The following CDH18 variants were observed in gnomAD, a reference collection of about 807,000 sequenced individuals.
The protein encoded by CDH18 is cadherin 18.
A neutral mutation model predicts 67.9 loss-of-function variants in CDH18; 31 were observed. The observed-to-expected ratio is 0.46, with a 90% CI of 0.34 to 0.62. CDH18 has a LOEUF of 0.62. Ranked by LOEUF, CDH18 falls within the 20% of genes least tolerant of loss-of-function variation. CDH18 has a pLI of 0.01. For synonymous variants in CDH18, 362 were observed against 347.2 expected (o/e 1.04, Z -0.48); for missense variants, 890 against 975.5 (o/e 0.91, Z 1.17).
intron 1 of CDH18, among the ~76,000 whole-genome samples, chr5:20,357,296 A>G (rs984045699): frequency 7.2e-5 from 11 of 152,180 alleles, no homozygotes; most frequent in African/African-American, 2.7e-4. Flanking sequence ...GGAAGGAAGC[A>G]TGTATGCAAA....
At chr5:19,634,542 T>C (rs1305701081) in intron 5 of CDH18, among the ~76,000 whole-genome samples, 2 of 152,200 alleles carry the variant, frequency 1.3e-5, no homozygotes, top group African/African-American at 4.8e-5. Context: ...ACAAGTAACA[T>C]CATAAGCAAA....
At chr5:20,563,549 T>C (rs911897861) in intron 1 of CDH18, among the ~76,000 whole-genome samples, 2 of 152,118 alleles carry the variant, frequency 1.3e-5, no homozygotes, top group African/African-American at 4.8e-5. Flanking sequence ...TACTTAAATG[T>C]CAATTTTTTT....
intron 2 of CDH18, among the ~76,000 whole-genome samples, chr5:20,168,326 C>T (rs978674879): frequency 5.9e-5 from 9 of 151,938 alleles, no homozygotes; most frequent in Non-Finnish European, 8.8e-5. Flanking sequence ...CAATGTATAG[C>T]GCACTTTAGT....
intron 2 of CDH18, among the ~76,000 whole-genome samples, chr5:20,124,405 T>A (rs1175825426): frequency 2.0e-5 from 3 of 152,218 alleles, no homozygotes; most frequent in Admixed American, 2.0e-4. Context: ...GAAAACAGGG[T>A]CTCTAACTCA....
intron 3 of CDH18, among the ~76,000 whole-genome samples, chr5:19,750,799 A>G (rs926047372): frequency 7.1e-6 from 1 of 140,866 alleles, no homozygotes; most frequent in African/African-American, 2.7e-5. Context: ...GTTTAGTCAT[A>G]CCAAGGGCAT....
intron 2 of CDH18, among the ~76,000 whole-genome samples, chr5:20,054,405 T>A (rs2150496150): frequency 6.6e-6 from 1 of 152,276 alleles, no homozygotes; most frequent in South Asian, 2.1e-4. Context: ...TCCTTTTCCT[T>A]TGTACTGAAA....
chr5:19,580,236 T>A (rs1443041842), intron 7 of CDH18, among the ~76,000 whole-genome samples: 2 of 151,874 alleles, frequency 1.3e-5, no homozygotes, highest in African/African-American at 4.8e-5. Flanking sequence ...GTATCCAAAG[T>A]CCACACATGT....
rs372444478 is a variant in CDH18, at chr5:20,075,386, C to T, written c.-517-83372G>A. 3.1e-4 allele frequency among the ~76,000 whole-genome samples: 47 copies of T among 152,120 alleles called. No individual in the cohort carries two copies. The South Asian group carries it at 8.9e-3, about 29-fold the overall frequency. ...GGCATTATGCTGTGTGGCTGTAGCC[C>T]CAGCTACTTGGGAGGCTGAGACAGG... On this transcript the variant is annotated intron_variant, in intron 2 of 14. Transcript: ENST00000507958.
chr5:20,487,757 G>A (rs1416326985), intron 1 of CDH18, among the ~76,000 whole-genome samples: 7 of 25,726 alleles, frequency 2.7e-4, no homozygotes, highest in Admixed American at 7.0e-4. Flanking sequence ...TAAATAGCAT[G>A]CATATATATA....
chr5:19,994,724 TATATATATATATATAGAGAGAGAG>T (rs1281894765), intron 2 of CDH18, among the ~76,000 whole-genome samples: 15 of 23,952 alleles, frequency 6.3e-4, no homozygotes, highest in Non-Finnish European at 9.2e-4. Flanking sequence ...TATATATATA[TATATATATATATATAGAGAGAGAG>T]AGAGAGAGAG....
chr5:19,575,848 C>T (rs527456544), intron 7 of CDH18, among the ~76,000 whole-genome samples: 2 of 152,166 alleles, frequency 1.3e-5, no homozygotes, highest in Admixed American at 1.3e-4. Flanking sequence ...TGTGGCTGCC[C>T]TAGCCTGCCC....
intron 2 of CDH18, among the ~76,000 whole-genome samples, chr5:19,997,322 G>T (rs1207285717): frequency 1.3e-5 from 2 of 152,004 alleles, no homozygotes; most frequent in African/African-American, 2.4e-5. Context: ...GCTGTACACT[G>T]TTATAGCACA....
At position 19,671,506 on chromosome 5, in the gene CDH18, C is replaced by T. The variant is rs186262458; in HGVS notation, c.643+49841G>A. ...TTAATTGTGTTTTTCATATCTGACT[C>T]CTCTGTGGTTCTGTTTAGAGTTCCA... On this transcript the variant is annotated intron_variant, in intron 5 of 12. Transcript: ENST00000382275. Among the ~76,000 whole-genome samples the T allele has an allele frequency of 1.8e-3, 272 of 152,138 alleles. 4 individuals carry two copies. Among genetic ancestry groups the T allele is most frequent in the Non-Finnish European group, 7.6e-4 (52 of 68,000 alleles).
At chr5:20,071,562 T>C (rs1235378884) in intron 2 of CDH18, among the ~76,000 whole-genome samples, 1 of 152,088 alleles carries the variant, frequency 6.6e-6, no homozygotes, top group South Asian at 2.1e-4. Flanking sequence ...ATTGAGATTT[T>C]TATTTAATTA....
intron 11 of CDH18, among the ~76,000 whole-genome samples, chr5:19,484,841 C>A (rs1457536411): frequency 5.3e-5 from 8 of 152,168 alleles, no homozygotes; most frequent in Non-Finnish European, 1.2e-4. Context: ...CACCTGCGCT[C>A]CAAATGCCAA....
chr5:20,146,548 C>T (rs1417523950), intron 2 of CDH18, among the ~76,000 whole-genome samples: 2 of 151,122 alleles, frequency 1.3e-5, no homozygotes, highest in Admixed American at 1.3e-4. Context: ...TTTCTTCAAA[C>T]AAGTTCTTTT....
chr5:20,360,862 T>TG (rs1742033538), intron 1 of CDH18, among the ~76,000 whole-genome samples: 2 of 152,102 alleles, frequency 1.3e-5, no homozygotes, highest in African/African-American at 4.8e-5. Context: ...CAATGACACT[T>TG]GCAAAGATAT....
At chr5:19,689,536 C>G (rs1761569474) in intron 5 of CDH18, among the ~76,000 whole-genome samples, 1 of 151,776 alleles carries the variant, frequency 6.6e-6, no homozygotes, top group African/African-American at 2.4e-5. Flanking sequence ...TTAAGGGTGT[C>G]CTACACCTGG....
chr5:19,930,094 C>T (rs1793515653), intron 2 of CDH18, among the ~76,000 whole-genome samples: 2 of 152,036 alleles, frequency 1.3e-5, no homozygotes, highest in Admixed American at 1.3e-4. Context: ...AACACTAGTT[C>T]ATTTAATCTT....
Sources: gnomAD v4.1 joint callset for allele counts (sites outside exome capture counted in the v4.1 genomes callset) on GRCh38, gnomAD v4.1.1 for gene constraint, MANE v1.5 for transcripts, NCBI Gene and HGNC (gene_info 2026-07-23, HGNC 2026-07-21) for gene names.